FSHR: variants seen among roughly 807,000 people sequenced by gnomAD.
FSHR encodes the protein follicle stimulating hormone receptor.
FSHR carries 46 observed loss-of-function variants against 52.1 expected under a neutral mutation model. That is an observed-to-expected ratio of 0.88 (90% CI 0.70 to 1.13). The LOEUF (loss-of-function observed/expected upper bound fraction) is 1.13. Ranked by LOEUF, FSHR falls within the 50% of genes most tolerant of loss-of-function variation. FSHR has a pLI of 0.00. For missense variants in FSHR, 964 were observed against 834.6 expected (o/e 1.16, Z -1.91); for synonymous variants, 399 against 309.6 (o/e 1.29, Z -3.03).
At chr2:49,138,729 T>C (rs143322857) in intron 1 of FSHR, among the ~76,000 whole-genome samples, 23 of 152,354 alleles carry the variant, frequency 1.5e-4, no homozygotes, top group African/African-American at 5.3e-4. Context: ...TGAGTTTTTC[T>C]TTTCAGATGA....
At chr2:49,048,725 C>A (rs1468232772) in intron 2 of FSHR, among the ~76,000 whole-genome samples, 5 of 152,170 alleles carry the variant, frequency 3.3e-5, no homozygotes, top group African/African-American at 1.2e-4. Flanking sequence ...AGCTCCTGGA[C>A]TTTTCCTCTC....
chr2:49,113,774 T>A (rs28513867), intron 1 of FSHR, among the ~76,000 whole-genome samples: 1 of 151,972 alleles, frequency 6.6e-6, no homozygotes, highest in East Asian at 1.9e-4. Flanking sequence ...AGGACACTTG[T>A]GGGGAGGTCT....
chr2:49,117,798 G>C (rs1156786221), intron 1 of FSHR, among the ~76,000 whole-genome samples: 1 of 152,096 alleles, frequency 6.6e-6, no homozygotes, highest in Non-Finnish European at 1.5e-5. Flanking sequence ...TCTTGAAAGG[G>C]AATTATTTCA....
intron 4 of FSHR, among the ~76,000 whole-genome samples, chr2:49,005,454 T>C (rs1362358287): frequency 6.6e-6 from 1 of 152,118 alleles, no homozygotes; most frequent in African/African-American, 2.4e-5. Flanking sequence ...CATCCTTAGA[T>C]CCTTGCAACA....
In FSHR at chr2:48,963,613, T is replaced by A. The variant is rs1205681036; in HGVS notation, c.1208A>T (p.Asn403Ile). 1 of 1,614,144 alleles carries A rather than the reference T, an allele frequency of 6.2e-7. No homozygotes were observed. The highest frequency in any genetic ancestry group is 2.2e-5 in the East Asian group (1 of 44,876). ...KLTVPRFLMC[N>I]LAFADLCIGI... Reference sequence around the variant, plus strand: ...AATGCAGAGATCAGCAAAGGCCAGGTTGCACATAAGGAACCTGGGGACTGT... The same window carrying A: ...AATGCAGAGATCAGCAAAGGCCAGGATGCACATAAGGAACCTGGGGACTGT... Residue 403 changes from asparagine to isoleucine, a missense_variant, in exon 10 of 10, where the codon AAC becomes ATC. Physicochemically the swap from Asn to Ile is moderately radical, Grantham distance 149 (BLOSUM62 -3). Coordinates refer to ENST00000406846, the MANE Select transcript of FSHR (RefSeq NM_000145.4).
intron 2 of FSHR, among the ~76,000 whole-genome samples, chr2:49,021,863 C>CTCTCTCTCTCTATATATA (rs1467766420): frequency 8.0e-5 from 4 of 49,868 alleles, no homozygotes; most frequent in Non-Finnish European, 1.5e-4. Context: ...CTCTCTCTCT[C>CTCTCTCTCTCTATATATA]TATATATATA....
chr2:49,006,291 T>G (rs1157696710), intron 4 of FSHR, among the ~76,000 whole-genome samples: 3 of 152,138 alleles, frequency 2.0e-5, no homozygotes, highest in Non-Finnish European at 2.9e-5. Flanking sequence ...ACTGGTCAAC[T>G]TACAGTCCAA....
chr2:49,138,305 G>C (rs1672558099), intron 1 of FSHR, among the ~76,000 whole-genome samples: 1 of 152,100 alleles, frequency 6.6e-6, no homozygotes, highest in African/African-American at 2.4e-5. Context: ...AAAATAGTCT[G>C]GTGATACCCT....
Position 49,134,412 on chromosome 2 carries a change from A to G in FSHR, c.152+19854T>C, listed in dbSNP as rs192834324. Among the ~76,000 whole-genome samples the G allele has an allele frequency of 3.2e-3, 489 of 152,292 alleles. 19 individuals carry two copies. The highest frequency in any genetic ancestry group is 4.4e-3 in the East Asian group (23 of 5,182). On this transcript the variant is annotated intron_variant, in intron 1 of 9. Coordinates refer to ENST00000406846, the MANE Select transcript of FSHR (RefSeq NM_000145.4). ...ATGGCGATCATTAAAAAGTCAGGAA[A>G]CAACAGGTGCTGGAGAGGATGTGGA... is the stretch of plus-strand genomic sequence containing the variant.
At chr2:49,115,399 G>C (rs1021427049) in intron 1 of FSHR, among the ~76,000 whole-genome samples, 17 of 152,170 alleles carry the variant, frequency 1.1e-4, no homozygotes, top group African/African-American at 3.9e-4. Flanking sequence ...TTCTAGCTTT[G>C]TGGAAAGATG....
Position 49,084,593 on chromosome 2 carries a change from G to A in FSHR, c.153-16303C>T, listed in dbSNP as rs189127248. On this transcript the variant is annotated intron_variant, in intron 1 of 9. Coordinates refer to ENST00000406846, the MANE Select transcript of FSHR (RefSeq NM_000145.4). ...AAAGGATCAACAAAATTGATAGACC[G>A]CTAGCAAGACTAATAAAGAAAAAAA... is the stretch of plus-strand genomic sequence containing the variant. 6.9e-3 allele frequency among the ~76,000 whole-genome samples: 1,044 copies of A among 152,098 alleles called. 12 individuals carry two copies. Among genetic ancestry groups the A allele is most frequent in the African/African-American group, 0.023 (972 of 41,498 alleles).
At chr2:49,035,131 C>T (rs1226276136) in intron 2 of FSHR, among the ~76,000 whole-genome samples, 1 of 152,158 alleles carries the variant, frequency 6.6e-6, no homozygotes, top group Non-Finnish European at 1.5e-5. Flanking sequence ...TTATATAAAG[C>T]ATTGCTCTTT....
At chr2:49,018,181 T>C (rs925300895) in intron 3 of FSHR, among the ~76,000 whole-genome samples, 8 of 152,170 alleles carry the variant, frequency 5.3e-5, no homozygotes, top group African/African-American at 1.2e-4. Context: ...GGAATGGCCA[T>C]TGATTCCCTT....
At chr2:48,976,343 A>T (rs1268905114) in intron 8 of FSHR, among the ~76,000 whole-genome samples, 1 of 152,162 alleles carries the variant, frequency 6.6e-6, no homozygotes, top group Non-Finnish European at 1.5e-5. Context: ...AGCTGACTTG[A>T]TCGTGGTGGA....
chr2:49,118,749 C>T (rs13002557), intron 1 of FSHR, among the ~76,000 whole-genome samples: 37,617 of 152,038 alleles, frequency 0.25, 4,990 homozygotes, highest in East Asian at 0.47. Context: ...GCACCATATC[C>T]GTTCCAGGAA....
Position 48,982,921 on chromosome 2 carries a change from G to A in FSHR, c.659C>T (p.Pro220Leu). The A allele has an allele frequency of 6.2e-7, 1 of 1,613,068 alleles. No individual in the cohort carries two copies. Among genetic ancestry groups the A allele is most frequent in the Non-Finnish European group, 8.5e-7 (1 of 1,179,022 alleles). The change falls in exon 8 of 10, where the codon CCA (proline) becomes CTA (leucine). Residue 220 changes from proline (P) to leucine (L), a missense_variant. Physicochemically the swap from Pro to Leu is moderately conservative, Grantham distance 98. Transcript: ENST00000406846. ...GGGGAAAGCTACTCACAGAATGACT[G>A]GTCCAGAGGCTCCGTGGAAAACATC... ...PNDVFHGASG[P>L]VILDISRTRI... is the part of the protein sequence containing the mutation.
chr2:49,089,871 C>A (rs1281408768), intron 1 of FSHR, among the ~76,000 whole-genome samples: 2 of 152,162 alleles, frequency 1.3e-5, no homozygotes, highest in Admixed American at 6.5e-5. Flanking sequence ...ACATAGTCTG[C>A]ACCAGGCTTT....
At chr2:49,015,376 G>A (rs141170852) in intron 4 of FSHR, among the ~76,000 whole-genome samples, 1 of 152,260 alleles carries the variant, frequency 6.6e-6, no homozygotes, top group African/African-American at 2.4e-5. Context: ...TCCTGAGGAT[G>A]GGCTGGTAGA....
At chr2:49,057,199 A>T (rs1669094845) in intron 2 of FSHR, among the ~76,000 whole-genome samples, 1 of 152,156 alleles carries the variant, frequency 6.6e-6, no homozygotes, top group South Asian at 2.1e-4. Flanking sequence ...ACACTAAAAT[A>T]ATAACACAAG....
Sources: allele counts gnomAD v4.1 joint callset (sites outside exome capture counted in the v4.1 genomes callset), GRCh38; gene constraint gnomAD v4.1.1; transcripts MANE v1.5; gene names NCBI Gene and HGNC (gene_info 2026-07-23, HGNC 2026-07-21).